The following CYB5RL variants were observed in gnomAD, a reference collection of about 807,000 sequenced individuals.
The protein encoded by CYB5RL is NADH-cytochrome b5 reductase-like.
Under a neutral mutation model 37.5 loss-of-function variants are expected in CYB5RL, and 38 were observed. The ratio of observed to expected loss-of-function variants is 1.01; its 90% CI spans 0.78 to 1.33. The LOEUF (loss-of-function observed/expected upper bound fraction) is 1.33, where lower values mean the gene tolerates loss of function less well. CYB5RL is among the 40% of genes most tolerant of loss of function. CYB5RL has a pLI of 0.00. For synonymous variants in CYB5RL, 141 were observed against 151.9 expected (o/e 0.93, Z 0.53); for missense variants, 388 against 394.4 (o/e 0.98, Z 0.14).
At chr1:54,194,004 CAATAATAAT>C (rs71066906) in intron 3 of CYB5RL, among the ~76,000 whole-genome samples, 2,633 of 146,702 alleles carry the variant, frequency 0.018, 81 homozygotes, top group African/African-American at 0.062. Flanking sequence ...GACTCTTCCT[CAATAATAAT>C]AATAATAATA....
In CYB5RL at chr1:54,175,149, T is replaced by C. The variant is rs372108224; in HGVS notation, c.745-327A>G. On this transcript the variant is annotated intron_variant, in intron 7 of 7. Coordinates refer to ENST00000534324, the MANE Select transcript of CYB5RL (RefSeq NM_001031672.4). ...GCCACACCTGTCACTGTGGGACGGA[T>C]GTTTTCTCCCCTGACTGTGGGTTTC... is the stretch of plus-strand genomic sequence containing the variant. Among the ~76,000 whole-genome samples the C allele has an allele frequency of 1.1e-3, 175 of 152,318 alleles. 1 individual carries two copies. The highest frequency in any genetic ancestry group is 4.0e-3 in the African/African-American group (168 of 41,562).
At chr1:54,188,364 G>A (rs1643921349) in intron 4 of CYB5RL, among the ~76,000 whole-genome samples, 1 of 152,154 alleles carries the variant, frequency 6.6e-6, no homozygotes, top group African/African-American at 2.4e-5. Flanking sequence ...TTGGAGACAT[G>A]ACTGTCATTT....
In CYB5RL at chr1:54,184,050, C is replaced by G. The variant is rs1486663028; in HGVS notation, c.540+111G>C. On this transcript the variant is annotated intron_variant, in intron 6 of 7. Coordinates refer to ENST00000534324, the MANE Select transcript of CYB5RL (RefSeq NM_001031672.4). Reference sequence around the variant, plus strand: ...CCCATGTCCAACCCCAAGGATACACCTGGGATTGTGTTTGAGCTCAAGGAG... The same window carrying G: ...CCCATGTCCAACCCCAAGGATACACGTGGGATTGTGTTTGAGCTCAAGGAG... 54 of 802,074 alleles carry G rather than the reference C, an allele frequency of 6.7e-5. No homozygotes were observed. In the East Asian group the frequency reaches 1.4e-3, roughly 21 times the overall value. The allele number at this position is 802,074 out of a possible 1,614,324, so 49.7% of individuals were successfully genotyped here.
At chr1:54,178,415 G>A (rs1388721134) in intron 7 of CYB5RL, among the ~76,000 whole-genome samples, 1 of 152,184 alleles carries the variant, frequency 6.6e-6, no homozygotes, top group African/African-American at 2.4e-5. Context: ...ACCAACCAGG[G>A]AAAGGCAGGC....
chr1:54,175,707 T>C (rs1310860610), intron 7 of CYB5RL: 2 of 432,914 alleles, frequency 4.6e-6, no homozygotes, highest in African/African-American at 4.1e-5. Flanking sequence ...AATAACAATA[T>C]AGCAATAGAA....
Position 54,174,767 on chromosome 1 carries a change from T to C in CYB5RL, c.800A>G (p.His267Arg), listed in dbSNP as rs1659978334. ...WSYQEKTHFG[H>R]LGQDLIKELV... Reference sequence around the variant, plus strand: ...CTCTTTAATTAGGTCCTGGCCCAGGTGGCCAAAGTGGGTTTTCTCTTGGTA... The same window carrying C: ...CTCTTTAATTAGGTCCTGGCCCAGGCGGCCAAAGTGGGTTTTCTCTTGGTA... Residue 267 changes from histidine to arginine, a missense_variant, in exon 8 of 8, where the codon CAC becomes CGC. Coordinates refer to ENST00000534324, the MANE Select transcript of CYB5RL (RefSeq NM_001031672.4). 3 of 1,613,946 alleles carry C rather than the reference T, an allele frequency of 1.9e-6. No individual in the cohort carries two copies. The highest frequency in any genetic ancestry group is 2.5e-6 in the Non-Finnish European group (3 of 1,179,872).
rs759816063 is a variant in CYB5RL at position 54,195,400 on chromosome 1, G to C, written c.198+19C>G. On this transcript the variant is annotated intron_variant, in intron 3 of 7. Coordinates refer to ENST00000534324, the MANE Select transcript of CYB5RL (RefSeq NM_001031672.4). ...AGATTGTTGCCCTGGTGCTCATATC[G>C]AGAAGCAGCCTCTCTCACCTGTGAC... The C allele has an allele frequency of 1.9e-6, 3 of 1,556,084 alleles. No individual in the cohort carries two copies. Among genetic ancestry groups the C allele is most frequent in the African/African-American group, 1.4e-5 (1 of 73,944 alleles).
intron 4 of CYB5RL, among the ~76,000 whole-genome samples, chr1:54,188,467 A>G (rs951890656): frequency 1.1e-4 from 17 of 152,204 alleles, no homozygotes; most frequent in African/African-American, 3.9e-4. Context: ...AAGCATTAGG[A>G]CTGGAAGGAT....
At chr1:54,178,856 C>A (rs1013121005) in intron 7 of CYB5RL, among the ~76,000 whole-genome samples, 1 of 152,232 alleles carries the variant, frequency 6.6e-6, no homozygotes, top group East Asian at 1.9e-4. Context: ...GAGGCAGTAA[C>A]GCATGGGGTG....
At chr1:54,179,120 A>G in intron 7 of CYB5RL, 29 bp downstream of exon 7, 1 of 1,600,268 alleles carries the variant, frequency 6.2e-7, no homozygotes, top group Non-Finnish European at 8.5e-7. Context: ...AGTCTCAATC[A>G]AAAAAGAAAG....
At chr1:54,188,898 T>A (rs780724959) in intron 4 of CYB5RL, among the ~76,000 whole-genome samples, 6 of 152,198 alleles carry the variant, frequency 3.9e-5, no homozygotes, top group Admixed American at 1.3e-4. Flanking sequence ...AATAAATGCA[T>A]ATGAGGCTGG....
intron 6 of CYB5RL, among the ~76,000 whole-genome samples, chr1:54,181,318 T>A (rs1312575834): frequency 1.3e-5 from 2 of 152,200 alleles, no homozygotes; most frequent in African/African-American, 4.8e-5. Context: ...TGTCTGTGTG[T>A]CTGACTCCCC....
At chr1:54,185,423 G>C (rs1172622502) in intron 5 of CYB5RL, 1 of 152,380 alleles carries the variant, frequency 6.6e-6, no homozygotes, top group Non-Finnish European at 1.5e-5. Flanking sequence ...GGAATAGCAA[G>C]TGAACATGGT....
chr1:54,180,205 C>A (rs941737489), intron 6 of CYB5RL: 73 of 406,978 alleles, frequency 1.8e-4, no homozygotes, highest in Non-Finnish European at 3.0e-4. Context: ...CCACTGCACT[C>A]CAGCCTGGGC....
At chr1:54,192,733 G>A (rs908096235) in intron 3 of CYB5RL, among the ~76,000 whole-genome samples, 6 of 151,724 alleles carry the variant, frequency 4.0e-5, no homozygotes, top group Admixed American at 6.6e-5. Context: ...GTTCCTTAGT[G>A]AGTCTTTCTA....
At chr1:54,187,025 T>G (rs1039229019) in intron 5 of CYB5RL, among the ~76,000 whole-genome samples, 10 of 152,138 alleles carry the variant, frequency 6.6e-5, no homozygotes, top group African/African-American at 2.4e-4. Flanking sequence ...GAAGCTGATG[T>G]TTCTTTAAGT....
intron 7 of CYB5RL, 105 bp from the exon 8 acceptor site, chr1:54,174,927 G>A (rs1659985528): frequency 1.7e-6 from 2 of 1,198,862 alleles, no homozygotes; most frequent in African/African-American, 1.5e-5. Flanking sequence ...GGCAGAGGGT[G>A]TAGGAAGCCA....
At position 54,190,797 on chromosome 1, in the gene CYB5RL, G is replaced by A. The variant is rs61738954; in HGVS notation, c.298C>T (p.Pro100Ser). The change falls in exon 4 of 8, where the codon CCC (proline) becomes TCC (serine). Residue 100 changes from proline to serine, a missense_variant. By Grantham distance (74) the Pro-to-Ser change is moderately conservative. Coordinates refer to ENST00000534324, the MANE Select transcript of CYB5RL (RefSeq NM_001031672.4). The part of the protein sequence containing the change: ...KDTYRVRFAL[P>S]GNSQLGLRPG... The stretch of plus-strand genomic sequence containing the variant: ...CGCAGGCCAAGCTGGCTGTTCCCGG[G>A]TAGAGCAAACCGGACACGGTAGGTG... 2.1e-4 allele frequency: 323 copies of A among 1,573,306 alleles called. 1 individual carries two copies. In the African/African-American group the frequency reaches 3.8e-3, roughly 19 times the overall value.
At chr1:54,183,188 G>A (rs1660206862) in intron 6 of CYB5RL, among the ~76,000 whole-genome samples, 1 of 152,108 alleles carries the variant, frequency 6.6e-6, no homozygotes, top group South Asian at 2.1e-4. Context: ...TTAAAATCCA[G>A]GATATTATTC....
Sources: gnomAD v4.1 joint callset for allele counts (sites outside exome capture counted in the v4.1 genomes callset) on GRCh38, gnomAD v4.1.1 for gene constraint, MANE v1.5 for transcripts, NCBI Gene and HGNC (gene_info 2026-07-23, HGNC 2026-07-21) for gene names.